GK5: variants seen among roughly 807,000 people sequenced by gnomAD.
GK5 encodes the protein glycerol kinase 5.
In GK5, 39 loss-of-function variants were observed where a neutral mutation model predicts 77.3. That is an observed-to-expected ratio of 0.50 (90% CI 0.39 to 0.66). The LOEUF (loss-of-function observed/expected upper bound fraction) is 0.66. Among genes scored for constraint, GK5 ranks in the 30% least tolerant of loss-of-function variants. The pLI, the probability that GK5 is intolerant of heterozygous loss-of-function variation, is 0.00. For synonymous variants in GK5, 211 were observed against 208.0 expected (o/e 1.01, Z -0.13); for missense variants, 487 against 633.8 (o/e 0.77, Z 2.49).
chr3:142,186,274 A>G lies in GK5; in HGVS notation c.682-7T>C. 6.4e-7 allele frequency: 1 copy of G among 1,572,564 alleles called. No homozygotes were observed. The highest frequency in any genetic ancestry group is 8.7e-7 in the Non-Finnish European group (1 of 1,143,112). On this transcript the variant is annotated splice_polypyrimidine_tract_variant and splice_region_variant and intron_variant, in intron 7 of 15. Coordinates refer to ENST00000392993, the MANE Select transcript of GK5 (RefSeq NM_001039547.3). ...TCATCCCACTCCAACACATCTGAGC[A>G]TAAAAACGTATCATCAGAATATACA... is the stretch of plus-strand genomic sequence containing the variant.
rs2063413857 is a variant in GK5 at position 142,159,996 on chromosome 3, T to A, written c.*5626A>T. ...CCAAGTCGCTGGGACCACAGGCACA[T>A]GCCATCAGGACTGGCTAATTTTTGT... On this transcript the variant is annotated 3_prime_UTR_variant, in exon 16 of 16. Coordinates refer to ENST00000392993, the MANE Select transcript of GK5 (RefSeq NM_001039547.3). 2 of 152,238 alleles carry A rather than the reference T, an allele frequency of 1.3e-5. No homozygotes were observed. The highest frequency in any genetic ancestry group is 4.8e-5 in the African/African-American group (2 of 41,406). The allele number at this position is 152,238 out of a possible 1,614,324, so 9.4% of individuals were successfully genotyped here.
chr3:142,225,505 T>C lies in GK5; in HGVS notation c.-50A>G. The C allele has an allele frequency of 4.4e-6, 7 of 1,576,698 alleles. No individual in the cohort carries two copies. Among genetic ancestry groups the C allele is most frequent in the South Asian group, 1.2e-5 (1 of 86,864 alleles). On this transcript the variant is annotated 5_prime_UTR_variant, in exon 1 of 16. Coordinates refer to ENST00000392993, the MANE Select transcript of GK5 (RefSeq NM_001039547.3). ...ACAGCCGCCTACCCAGAGGGCGCGC[T>C]ACAAATCCCAATGCTCCAGAGTCCC...
chr3:142,170,247 T>G, intron 15 of GK5, 78 bp downstream of exon 15: 1 of 1,452,412 alleles, frequency 6.9e-7, no homozygotes, highest in Non-Finnish European at 9.7e-7. Context: ...TCTAGAATTT[T>G]GTAATTTGAG....
At chr3:142,199,617 G>A (rs923873588) in intron 4 of GK5, among the ~76,000 whole-genome samples, 6 of 151,846 alleles carry the variant, frequency 4.0e-5, no homozygotes, top group Non-Finnish European at 8.8e-5. Flanking sequence ...TATACATTAA[G>A]TACTTAAAAT....
At chr3:142,219,990 T>C (rs1052156305) in intron 1 of GK5, among the ~76,000 whole-genome samples, 7 of 152,110 alleles carry the variant, frequency 4.6e-5, no homozygotes, top group Admixed American at 4.6e-4. Flanking sequence ...ATAAACAAAT[T>C]TCATAAAAAT....
Position 142,160,836 on chromosome 3 carries a change from G to A in GK5, c.*4786C>T, listed in dbSNP as rs947748581. ...TGTGTTCAAGCGATTCTCCTGCTTC[G>A]GTTTCCTGAGTAGCTGGGACTACAG... On this transcript the variant is annotated 3_prime_UTR_variant, in exon 16 of 16. Coordinates refer to ENST00000392993, the MANE Select transcript of GK5 (RefSeq NM_001039547.3). 2.6e-5 allele frequency: 4 copies of A among 151,708 alleles called. No individual in the cohort carries two copies. Among genetic ancestry groups the A allele is most frequent in the Non-Finnish European group, 2.9e-5 (2 of 67,930 alleles). The allele number at this position is 151,708 out of a possible 1,614,324, so 9.4% of individuals were successfully genotyped here.
chr3:142,193,340 G>T (rs1035808210), intron 5 of GK5, among the ~76,000 whole-genome samples: 4 of 152,118 alleles, frequency 2.6e-5, no homozygotes, highest in African/African-American at 9.7e-5. Flanking sequence ...TATCAATTTT[G>T]TTAGGAAATA....
intron 1 of GK5, among the ~76,000 whole-genome samples, chr3:142,215,926 T>A (rs938408526): frequency 6.6e-6 from 1 of 152,200 alleles, no homozygotes; most frequent in African/African-American, 2.4e-5. Flanking sequence ...ATCTCTACTT[T>A]TATTTTCTAA....
chr3:142,187,823 T>A, intron 5 of GK5, 44 bp from the exon 6 acceptor site: 1 of 1,399,592 alleles, frequency 7.1e-7, no homozygotes, highest in Non-Finnish European at 1.0e-6. Context: ...AAGGCTAAAT[T>A]ACTAAGTGCA....
intron 15 of GK5, chr3:142,170,062 T>A: frequency 1.9e-6 from 1 of 518,018 alleles, no homozygotes; most frequent in South Asian, 2.0e-5. Context: ...TGTCTGTTGC[T>A]AGAGACTGAC....
chr3:142,209,253 T>C (rs1302992875), intron 3 of GK5, among the ~76,000 whole-genome samples: 1 of 152,172 alleles, frequency 6.6e-6, no homozygotes, highest in Non-Finnish European at 1.5e-5. Flanking sequence ...ATCTCAGCTC[T>C]GAAGGATAAG....
At chr3:142,214,307 A>C (rs2064241470) in intron 2 of GK5, among the ~76,000 whole-genome samples, 1 of 152,222 alleles carries the variant, frequency 6.6e-6, no homozygotes, top group South Asian at 2.1e-4. Flanking sequence ...CTCTCAAGGA[A>C]AGTAGTCTAA....
chr3:142,163,916 T>C lies in GK5; in HGVS notation c.*1706A>G, dbSNP rs1410697560. ...AACAACAGAGCAGCTTCCATGTGAT[T>C]TTGATAGGAAAGCTTTAATTGGTGA... On this transcript the variant is annotated 3_prime_UTR_variant, in exon 16 of 16. Coordinates refer to ENST00000392993, the MANE Select transcript of GK5 (RefSeq NM_001039547.3). The C allele has an allele frequency of 6.6e-6, 1 of 151,984 alleles. No individual in the cohort carries two copies. The highest frequency in any genetic ancestry group is 1.5e-5 in the Non-Finnish European group (1 of 67,988). 9.4% of individuals were successfully genotyped at this position (151,984 alleles called of 1,614,324 possible). A position where few individuals can be genotyped will look rare whatever the true frequency, so the allele number is the denominator to read the frequency against.
rs1449480986 is a variant in GK5, at chr3:142,165,607, T to C, written c.*15A>G. 8 of 1,590,930 alleles carry C rather than the reference T, an allele frequency of 5.0e-6. No individual in the cohort carries two copies. Among genetic ancestry groups the C allele is most frequent in the Middle Eastern group, 1.7e-4 (1 of 6,016 alleles). On this transcript the variant is annotated 3_prime_UTR_variant, in exon 16 of 16. Coordinates refer to ENST00000392993, the MANE Select transcript of GK5 (RefSeq NM_001039547.3). ...ATAAACCAGCTACCTATGGTTTTGA[T>C]CATTTCATTTAGTGTTATGTCTTGT... is the stretch of plus-strand genomic sequence containing the variant.
chr3:142,197,608 A>T (rs1482345397), intron 5 of GK5, among the ~76,000 whole-genome samples: 1 of 152,204 alleles, frequency 6.6e-6, no homozygotes, highest in Non-Finnish European at 1.5e-5. Flanking sequence ...AGGATGGCTA[A>T]AATATAGACT....
chr3:142,206,688 G>A (rs940916108), intron 3 of GK5, among the ~76,000 whole-genome samples: 21 of 152,158 alleles, frequency 1.4e-4, no homozygotes, highest in African/African-American at 5.1e-4. Flanking sequence ...CATGCTTCGA[G>A]GTTACAATTT....
chr3:142,186,723 C>T (rs894472919), intron 6 of GK5, among the ~76,000 whole-genome samples: 6 of 151,466 alleles, frequency 4.0e-5, no homozygotes, highest in African/African-American at 9.7e-5. Context: ...CTCTGCCTCC[C>T]GGGTTCAAGT....
chr3:142,225,537 G>A lies in GK5; in HGVS notation c.-82C>T. 2 of 1,498,644 alleles carry A rather than the reference G, an allele frequency of 1.3e-6. No homozygotes were observed. Among genetic ancestry groups the A allele is most frequent in the Non-Finnish European group, 8.9e-7 (1 of 1,125,358 alleles). The allele number at this position is 1,498,644 out of a possible 1,614,324, so 92.8% of individuals were successfully genotyped here. A position where few individuals can be genotyped will look rare whatever the true frequency, so the allele number is the denominator to read the frequency against. On this transcript the variant is annotated 5_prime_UTR_variant, in exon 1 of 16. Coordinates refer to ENST00000392993, the MANE Select transcript of GK5 (RefSeq NM_001039547.3). ...CCCAATGCTCCAGAGTCCCCGGGCG[G>A]CCCAACCCGGGCCCCAACCCGGCTC...
intron 15 of GK5, among the ~76,000 whole-genome samples, chr3:142,169,207 C>T (rs935206085): frequency 2.0e-5 from 3 of 152,228 alleles, no homozygotes; most frequent in Non-Finnish European, 4.4e-5. Flanking sequence ...ATGCCATAGG[C>T]AAACCTACTG....
Sources: gnomAD v4.1 joint callset for allele counts (sites outside exome capture counted in the v4.1 genomes callset) on GRCh38, gnomAD v4.1.1 for gene constraint, MANE v1.5 for transcripts, NCBI Gene and HGNC (gene_info 2026-07-23, HGNC 2026-07-21) for gene names.